CCDC190: variants seen among roughly 807,000 people sequenced by gnomAD.
The protein encoded by CCDC190 is coiled-coil domain containing 190, also known as coiled-coil domain-containing protein 190.
In CCDC190, 10 loss-of-function variants were observed where a neutral mutation model predicts 13.1. That is an observed-to-expected ratio of 0.77 (90% confidence interval 0.47 to 1.30). CCDC190 has a LOEUF of 1.30. CCDC190 is among the 50% of genes most tolerant of loss of function. CCDC190 has a pLI of 0.00. For synonymous variants in CCDC190, 136 were observed against 127.2 expected, an observed-to-expected ratio of 1.07 and a Z score of -0.47; for missense variants, 375 against 354.3, an observed-to-expected ratio of 1.06 and a Z score of -0.47.
upstream of CCDC190, among the ~76,000 whole-genome samples, chr1:162,863,355 T>G (rs946770167): frequency 6.6e-6 from 1 of 152,202 alleles, no homozygotes; most frequent in Admixed American, 6.5e-5. Context: ...TCTGATAGAA[T>G]TGAATGAAAT....
At chr1:162,863,333 T>A (rs1481468059), upstream of CCDC190, among the ~76,000 whole-genome samples, 1 of 152,196 alleles carries the variant, frequency 6.6e-6, no homozygotes, top group Non-Finnish European at 1.5e-5. Flanking sequence ...AAAGTATCTT[T>A]ATCATAGGTT....
At chr1:162,858,103 CTT>C (rs1475330071) in intron 2 of CCDC190, among the ~76,000 whole-genome samples, 2 of 152,214 alleles carry the variant, frequency 1.3e-5, no homozygotes, top group African/African-American at 4.8e-5. Flanking sequence ...AATATTGAGA[CTT>C]AATACATATT....
chr1:162,857,663 T>C (rs1021375795), intron 2 of CCDC190, among the ~76,000 whole-genome samples: 2 of 152,176 alleles, frequency 1.3e-5, no homozygotes, highest in Non-Finnish European at 2.9e-5. Flanking sequence ...TCTGCTCACA[T>C]ACTGTGTCTT....
At position 162,851,289 on chromosome 1, in the gene CCDC190, C is replaced by CCT. The variant is rs1650098442; in HGVS notation, c.*3475_*3476insAG. ...GGTCCACACACCTCTGGTTCCTCTC[C>CCT]ATTTTTTTTTTTTTTTTTTTTTTTT... On this transcript the variant is annotated 3_prime_UTR_variant, in exon 4 of 4. Coordinates refer to ENST00000367912, the MANE Select transcript of CCDC190 (RefSeq NM_001394065.1). 1 of 139,858 alleles carries CCT rather than the reference C, an allele frequency of 7.2e-6. No individual in the cohort carries two copies. Among genetic ancestry groups the CCT allele is most frequent in the Non-Finnish European group, 1.5e-5 (1 of 65,782 alleles). The allele number at this position is 139,858 out of a possible 1,614,324, so 8.7% of individuals were successfully genotyped here. A position where few individuals can be genotyped will look rare whatever the true frequency, so the allele number is the denominator to read the frequency against.
intron 2 of CCDC190, among the ~76,000 whole-genome samples, chr1:162,857,643 C>T (rs1650350479): frequency 6.6e-6 from 1 of 152,164 alleles, no homozygotes; most frequent in Admixed American, 6.5e-5. Context: ...TTTTCCTCCT[C>T]CTCTAAGATT....
At chr1:162,867,294 A>G (rs930993640) in intron 1 of CCDC190, among the ~76,000 whole-genome samples, 2 of 152,176 alleles carry the variant, frequency 1.3e-5, no homozygotes, top group Non-Finnish European at 2.9e-5. Context: ...AAAATACTTG[A>G]ATAGACAATC....
At chr1:162,859,420 G>A in intron 2 of CCDC190, 40 bp downstream of exon 2, 1 of 1,576,908 alleles carries the variant, frequency 6.3e-7, no homozygotes. Flanking sequence ...GCCCTGCTGT[G>A]CCTCTGGGGC....
Position 162,859,542 on chromosome 1 carries a change from T to C in CCDC190, c.105A>G (p.Leu35=), listed in dbSNP as rs1436629174. The C allele has an allele frequency of 1.2e-6, 2 of 1,613,788 alleles. No individual in the cohort carries two copies. Among genetic ancestry groups the C allele is most frequent in the Non-Finnish European group, 8.5e-7 (1 of 1,179,850 alleles). ...TCACATGGTAGAGGCAAATAACCTTTAGTCTCTGCAGTCTTTGGTCCAGTC... is the reference window on the plus strand; with the variant it reads ...TCACATGGTAGAGGCAAATAACCTTCAGTCTCTGCAGTCTTTGGTCCAGTC... The part of the protein sequence containing the change: ...EARLDQRLQR[L]KVICLYHVKL... Residue 35 remains leucine, a synonymous_variant, in exon 2 of 4, where the codon CTA becomes CTG. Coordinates refer to ENST00000367912, the MANE Select transcript of CCDC190 (RefSeq NM_001394065.1).
In CCDC190 at chr1:162,851,918, T is replaced by C. The variant is rs377110455; in HGVS notation, c.*2847A>G. On this transcript the variant is annotated 3_prime_UTR_variant, in exon 4 of 4. Transcript: ENST00000367912. ...CATCGGACACATGCCCTTCCCCATC[T>C]TCTTTGAGAGGAGAGTATGGGAAAA... 3.9e-5 allele frequency: 6 copies of C among 152,244 alleles called. No homozygotes were observed. The highest frequency in any genetic ancestry group is 1.2e-4 in the African/African-American group (5 of 41,468). The allele number at this position is 152,244 out of a possible 1,614,324, so 9.4% of individuals were successfully genotyped here. A position where few individuals can be genotyped will look rare whatever the true frequency, so the allele number is the denominator to read the frequency against.
chr1:162,852,958 C>T lies in CCDC190; in HGVS notation c.*1807G>A. 1.6e-6 allele frequency: 1 copy of T among 641,206 alleles called. No homozygotes were observed. The highest frequency in any genetic ancestry group is 2.8e-6 in the Non-Finnish European group (1 of 359,028). 39.7% of individuals were successfully genotyped at this position (641,206 alleles called of 1,614,324 possible). On this transcript the variant is annotated 3_prime_UTR_variant, in exon 4 of 4. Coordinates refer to ENST00000367912, the MANE Select transcript of CCDC190 (RefSeq NM_001394065.1). The stretch of plus-strand genomic sequence containing the variant: ...AGCTTGCGCAGTTTACAAAGGGGTT[C>T]TCTAATTGTTGTATGCCTATTCATG...
At chr1:162,863,820 A>G (rs143771954), upstream of CCDC190, among the ~76,000 whole-genome samples, 2,535 of 152,212 alleles carry the variant, frequency 0.017, 73 homozygotes, top group African/African-American at 0.057. Flanking sequence ...CGAGTTCGAG[A>G]CCAGCCTGGC....
intron 1 of CCDC190, among the ~76,000 whole-genome samples, chr1:162,866,445 A>C (rs6665690): frequency 0.16 from 23,681 of 149,668 alleles, 1,822 homozygotes; most frequent in Middle Eastern, 0.2. Flanking sequence ...AACAAAAAAC[A>C]AAAAACCCTA....
chr1:162,862,310 T>C (rs897739433), upstream of CCDC190, among the ~76,000 whole-genome samples: 1 of 152,202 alleles, frequency 6.6e-6, no homozygotes, highest in Admixed American at 6.5e-5. Context: ...AAATAATCTA[T>C]GGCTAAAGGG....
In CCDC190 at chr1:162,854,267, G is replaced by A. The variant is rs1245560477; in HGVS notation, c.*498C>T. 24 of 985,464 alleles carry A rather than the reference G, an allele frequency of 2.4e-5. No homozygotes were observed. The highest frequency in any genetic ancestry group is 2.9e-5 in the Non-Finnish European group (24 of 830,086). The allele number at this position is 985,464 out of a possible 1,614,324, so 61.0% of individuals were successfully genotyped here. A position where few individuals can be genotyped will look rare whatever the true frequency, so the allele number is the denominator to read the frequency against. On this transcript the variant is annotated 3_prime_UTR_variant, in exon 4 of 4. Coordinates refer to ENST00000367912, the MANE Select transcript of CCDC190 (RefSeq NM_001394065.1). ...AGCTATCTGTAAATAAAGGAAGGAAGGAAAGGGCTTCCAAAGAGAGCACGT... is the reference window on the plus strand; with the variant it reads ...AGCTATCTGTAAATAAAGGAAGGAAAGAAAGGGCTTCCAAAGAGAGCACGT...
At chr1:162,866,882 G>A (rs1650726398) in intron 1 of CCDC190, among the ~76,000 whole-genome samples, 1 of 151,930 alleles carries the variant, frequency 6.6e-6, no homozygotes, top group African/African-American at 2.4e-5. Flanking sequence ...GGAACAATGG[G>A]TATCTATGTG....
upstream of CCDC190, among the ~76,000 whole-genome samples, chr1:162,864,368 C>T (rs1241378519): frequency 1.3e-5 from 2 of 151,878 alleles, no homozygotes; most frequent in Non-Finnish European, 1.5e-5. Flanking sequence ...GTTCAAGAAA[C>T]GTTAAAGGTA....
chr1:162,857,344 G>A (rs1650338037), intron 2 of CCDC190, among the ~76,000 whole-genome samples: 2 of 152,106 alleles, frequency 1.3e-5, no homozygotes, highest in African/African-American at 4.8e-5. Flanking sequence ...TAACATTTGA[G>A]CATGTAATTT....
chr1:162,855,390 A>T, intron 3 of CCDC190, 31 bp from the exon 4 acceptor site: 1 of 1,556,714 alleles, frequency 6.4e-7, no homozygotes, highest in Non-Finnish European at 8.6e-7. Flanking sequence ...AAGATCTCTG[A>T]AAACCAATAA....
Position 162,853,172 on chromosome 1 carries a change from T to C in CCDC190, c.*1593A>G. 6.5e-7 allele frequency: 1 copy of C among 1,540,010 alleles called. No homozygotes were observed. On this transcript the variant is annotated 3_prime_UTR_variant, in exon 4 of 4. Coordinates refer to ENST00000367912, the MANE Select transcript of CCDC190 (RefSeq NM_001394065.1). ...AGGCCAGAGGCTGGGCTGATGAAAC[T>C]GACTCTCAAATGTTTGATCTAAGTT... is the stretch of plus-strand genomic sequence containing the variant.
Sources: gnomAD v4.1 joint callset for allele counts (sites outside exome capture counted in the v4.1 genomes callset) on GRCh38, gnomAD v4.1.1 for gene constraint, MANE v1.5 for transcripts, NCBI Gene and HGNC (gene_info 2026-07-23, HGNC 2026-07-21) for gene names.